Variants in MTRR observed in about 807,000 individuals in gnomAD.
MTRR encodes the protein 5-methyltetrahydrofolate-homocysteine methyltransferase reductase.
MTRR carries 63 observed loss-of-function variants against 79.2 expected under a neutral mutation model. That is an observed-to-expected ratio of 0.80 (90% CI 0.65 to 0.98). MTRR has a LOEUF of 0.98. Ranked by LOEUF, MTRR falls within the 50% of genes least tolerant of loss-of-function variation. MTRR has a pLI of 0.00. For synonymous variants in MTRR, 355 were observed against 313.3 expected (o/e 1.13, Z -1.41); for missense variants, 895 against 839.6 (o/e 1.07, Z -0.82).
intron 3 of MTRR, among the ~76,000 whole-genome samples, chr5:7,873,919 C>G (rs1236002780): frequency 6.6e-6 from 1 of 152,208 alleles, no homozygotes; most frequent in Non-Finnish European, 1.5e-5. Context: ...GATAACTTCT[C>G]TAAGAACGAT....
chr5:7,868,757 G>A (rs375669283), upstream of MTRR, among the ~76,000 whole-genome samples: 32 of 152,276 alleles, frequency 2.1e-4, no homozygotes, highest in East Asian at 5.6e-3. Context: ...AAGACGGTGC[G>A]GGGGGATTTG....
chr5:7,887,301 T>A (rs374870405), intron 8 of MTRR, among the ~76,000 whole-genome samples: 1 of 152,166 alleles, frequency 6.6e-6, no homozygotes, highest in East Asian at 1.9e-4. Flanking sequence ...CAGGAACTGT[T>A]TTTTTAAAAC....
chr5:7,886,622 C>G lies in MTRR; in HGVS notation c.1065C>G (p.Thr355=), dbSNP rs1736482017. Residue 355 remains threonine, a synonymous_variant, in exon 8 of 15, where the codon ACC becomes ACG. Transcript: ENST00000440940. ...CCGTCTTTACCTGAAAAGGAGCTACCTTACCCCAGCATATACCTGCGGGAT... is the reference window on the plus strand; with the variant it reads ...CCGTCTTTACCTGAAAAGGAGCTACGTTACCCCAGCATATACCTGCGGGAT... ...IKADTKKKGA[T]LPQHIPAGCS... 3.7e-6 allele frequency: 6 copies of G among 1,613,268 alleles called. No homozygotes were observed. The highest frequency in any genetic ancestry group is 4.2e-6 in the Non-Finnish European group (5 of 1,179,228).
At chr5:7,852,137 G>T (rs189350975) in intron 1 of MTRR, among the ~76,000 whole-genome samples, 4 of 152,338 alleles carry the variant, frequency 2.6e-5, no homozygotes, top group Admixed American at 2.6e-4. Flanking sequence ...AAGGTGAACA[G>T]ATAGGTGGGG....
chr5:7,872,824 C>A (rs577505703), intron 2 of MTRR, among the ~76,000 whole-genome samples: 20 of 152,288 alleles, frequency 1.3e-4, no homozygotes, highest in African/African-American at 4.6e-4. Flanking sequence ...CATTTTAACA[C>A]CTCTTTCCTT....
intron 5 of MTRR, among the ~76,000 whole-genome samples, 153 bp downstream of exon 5, chr5:7,878,475 C>T (rs1413652655): frequency 2.6e-5 from 4 of 152,234 alleles, no homozygotes; most frequent in Non-Finnish European, 5.9e-5. Context: ...ATAGATTTTA[C>T]TGGAACACAG....
chr5:7,866,791 C>T, upstream of MTRR: 1 of 1,614,170 alleles, frequency 6.2e-7, no homozygotes, highest in Non-Finnish European at 8.5e-7. Flanking sequence ...CGTTTTCCAG[C>T]TTTCTAAATA....
chr5:7,894,679 A>G (rs1395400335), intron 11 of MTRR, among the ~76,000 whole-genome samples: 5 of 152,170 alleles, frequency 3.3e-5, no homozygotes, highest in Non-Finnish European at 7.3e-5. Context: ...TCACTGCCAC[A>G]CCCATCATTT....
At chr5:7,868,118 A>C, upstream of MTRR, 1 of 1,455,312 alleles carries the variant, frequency 6.9e-7, no homozygotes, top group East Asian at 2.3e-5. Flanking sequence ...CTAAATTAAA[A>C]AATTTAAAAA....
At chr5:7,857,591 CT>C (rs1746285594) in intron 1 of MTRR, among the ~76,000 whole-genome samples, 1 of 152,202 alleles carries the variant, frequency 6.6e-6, no homozygotes, top group Non-Finnish European at 1.5e-5. Context: ...CACTCTGAGG[CT>C]CTCTCTCACT....
intron 14 of MTRR, among the ~76,000 whole-genome samples, chr5:7,897,560 A>G (rs1738744982): frequency 6.6e-6 from 1 of 152,116 alleles, no homozygotes; most frequent in Non-Finnish European, 1.5e-5. Context: ...AAATCTCCAG[A>G]TTGATTTTGT....
chr5:7,869,951 T>C, intron 1 of MTRR: 2 of 832,864 alleles, frequency 2.4e-6, no homozygotes, highest in South Asian at 1.1e-4. Context: ...TCTGGGCGGT[T>C]CATTCACCGA....
At chr5:7,877,872 C>T (rs1734841006) in intron 4 of MTRR, 72 bp from the exon 5 acceptor site, 3 of 1,591,492 alleles carry the variant, frequency 1.9e-6, no homozygotes, top group Non-Finnish European at 2.6e-6. Flanking sequence ...GACAGACTGT[C>T]ATTATCCTGT....
chr5:7,896,803 AAG>A lies in MTRR; in HGVS notation c.1677-57_1677-56del, dbSNP rs145198250. On this transcript the variant is annotated intron_variant, in intron 12 of 14. Transcript: ENST00000440940. Reference sequence around the variant, plus strand: ...GTTTGTTGGTGGTAGTTCCTAATGAAAGAGATTGGTTTTACATATTCTTTATA... The same window carrying A: ...GTTTGTTGGTGGTAGTTCCTAATGAAAGATTGGTTTTACATATTCTTTATA... 3.4e-3 allele frequency: 4,537 copies of A among 1,317,540 alleles called. 129 individuals are homozygous for A. In the African/African-American group the frequency reaches 0.059, roughly 17 times the overall value. 81.6% of individuals were successfully genotyped at this position (1,317,540 alleles called of 1,614,324 possible).
At chr5:7,870,695 G>T in intron 1 of MTRR, 75 bp from the exon 2 acceptor site, 1 of 1,504,334 alleles carries the variant, frequency 6.6e-7, no homozygotes, top group East Asian at 2.3e-5. Context: ...GTTTCTTAAA[G>T]ATTGAGGGAG....
chr5:7,854,948 A>C (rs1242588784), intron 1 of MTRR, among the ~76,000 whole-genome samples: 1 of 152,220 alleles, frequency 6.6e-6, no homozygotes, highest in Non-Finnish European at 1.5e-5. Context: ...TTCCCAAGGC[A>C]TTCAAGCCAA....
chr5:7,886,234 T>G (rs1736403147), intron 7 of MTRR, among the ~76,000 whole-genome samples: 1 of 152,134 alleles, frequency 6.6e-6, no homozygotes, highest in Non-Finnish European at 1.5e-5. Flanking sequence ...TTTCCATAAT[T>G]AAGAGAAGTT....
chr5:7,890,162 T>C (rs1457961568), intron 9 of MTRR: 1 of 714,306 alleles, frequency 1.4e-6, no homozygotes, highest in Non-Finnish European at 1.7e-6. Flanking sequence ...TATATTGTCC[T>C]TTTTACTCTT....
intron 2 of MTRR, among the ~76,000 whole-genome samples, chr5:7,864,061 G>A (rs569676636): frequency 6.6e-6 from 1 of 152,294 alleles, no homozygotes; most frequent in African/African-American, 2.4e-5. Context: ...ATGTTAGCAA[G>A]GCTGGTCTCG....
Sources: allele counts gnomAD v4.1 joint callset (sites outside exome capture counted in the v4.1 genomes callset), GRCh38; gene constraint gnomAD v4.1.1; transcripts MANE v1.5; gene names NCBI Gene and HGNC (gene_info 2026-07-23, HGNC 2026-07-21).